The following OR56A3 variants were observed in gnomAD, a reference collection of about 807,000 sequenced individuals.
OR56A3 encodes the protein olfactory receptor family 56 subfamily A member 3, also known as olfactory receptor 56A3.
Under a neutral mutation model 17.5 loss-of-function variants are expected in OR56A3, and 23 were observed. That is an observed-to-expected ratio of 1.32 (90% CI 0.95 to 1.87). The LOEUF is 1.87. Among genes scored for constraint, OR56A3 ranks in the 40% most tolerant of loss-of-function variants. OR56A3 has a pLI of 0.00. For missense variants in OR56A3, 366 were observed against 380.1 expected (o/e 0.96, Z 0.31); for synonymous variants, 175 against 150.6 (o/e 1.16, Z -1.19).
chr11:5,967,534 G>T, the OR56A3 span: 19 of 1,493,894 alleles, frequency 1.3e-5, no homozygotes, highest in South Asian at 1.8e-4. Flanking sequence ...TCAAGGTCAG[G>T]TTGCATTCAT....
chr11:6,010,728 G>T, the OR56A3 span, among the ~76,000 whole-genome samples: 2 of 152,052 alleles, frequency 1.3e-5, no homozygotes, highest in African/African-American at 2.4e-5. Flanking sequence ...TTCTCCCCTT[G>T]GGATTCCCCA....
At chr11:5,977,787 G>A in the OR56A3 span, among the ~76,000 whole-genome samples, 1 of 152,086 alleles carries the variant, frequency 6.6e-6, no homozygotes, top group Admixed American at 6.5e-5. Flanking sequence ...ATATTTGCCA[G>A]GGCCTATATC....
At chr11:5,975,382 A>G in the OR56A3 span, among the ~76,000 whole-genome samples, 2 of 107,104 alleles carry the variant, frequency 1.9e-5, no homozygotes, top group African/African-American at 3.7e-5. Flanking sequence ...AACAGTCCCC[A>G]GTGTGTGATG....
chr11:5,961,216 C>G, the OR56A3 span, among the ~76,000 whole-genome samples: 1 of 151,824 alleles, frequency 6.6e-6, no homozygotes, highest in Non-Finnish European at 1.5e-5. Flanking sequence ...AAGTGAGGAG[C>G]CCCTCTTCCC....
chr11:5,983,519 A>G, the OR56A3 span, among the ~76,000 whole-genome samples: 2 of 151,832 alleles, frequency 1.3e-5, no homozygotes, highest in Non-Finnish European at 2.9e-5. Flanking sequence ...CTAAACCCCC[A>G]TGTGACATTA....
At chr11:5,966,893 A>AACACACACACACACACACACAC in the OR56A3 span, among the ~76,000 whole-genome samples, 1 of 147,132 alleles carries the variant, frequency 6.8e-6, no homozygotes, top group African/African-American at 2.5e-5. Context: ...CACTTAAAGC[A>AACACACACACACACACACACAC]ACACACACAC....
the OR56A3 span, among the ~76,000 whole-genome samples, chr11:5,974,959 C>G: frequency 6.6e-6 from 1 of 152,170 alleles, no homozygotes; most frequent in Admixed American, 6.6e-5. Flanking sequence ...TTTGTGTCCT[C>G]CACTTTTCTT....
At chr11:6,006,591 A>G in the OR56A3 span, among the ~76,000 whole-genome samples, 1 of 152,218 alleles carries the variant, frequency 6.6e-6, no homozygotes, top group African/African-American at 2.4e-5. Flanking sequence ...AGGTTCATAG[A>G]TGAATGTAGG....
chr11:5,955,561 G>C (rs566237922), downstream of OR56A3, among the ~76,000 whole-genome samples: 59 of 152,176 alleles, frequency 3.9e-4, no homozygotes, highest in South Asian at 0.011. Context: ...AGGGTCAAGC[G>C]GGCACCTTGG....
At chr11:5,942,719 A>G (rs1267075371) in intron 1 of OR56A3, among the ~76,000 whole-genome samples, 3 of 152,248 alleles carry the variant, frequency 2.0e-5, no homozygotes, top group African/African-American at 7.2e-5. Flanking sequence ...AAAATTGCTA[A>G]AATCTACTTC....
chr11:5,990,930 C>T, the OR56A3 span, among the ~76,000 whole-genome samples: 1 of 152,100 alleles, frequency 6.6e-6, no homozygotes, highest in African/African-American at 2.4e-5. Context: ...GAAGAGTTTT[C>T]TGGAAAATTC....
At chr11:6,001,760 A>C in the OR56A3 span, 1 of 312,908 alleles carries the variant, frequency 3.2e-6, no homozygotes, top group Non-Finnish European at 5.8e-6. Flanking sequence ...CTTCCATTCT[A>C]ATACAGCTCC....
chr11:5,980,427 A>G, the OR56A3 span, among the ~76,000 whole-genome samples: 5 of 151,280 alleles, frequency 3.3e-5, no homozygotes, highest in African/African-American at 1.2e-4. Context: ...CTTTATCATT[A>G]TGTAATGCCC....
chr11:5,984,207 A>C, the OR56A3 span, among the ~76,000 whole-genome samples: 1 of 152,234 alleles, frequency 6.6e-6, no homozygotes, highest in Non-Finnish European at 1.5e-5. Context: ...ATTTTTAAAC[A>C]AACAAAAACT....
chr11:6,018,644 T>C, the OR56A3 span, among the ~76,000 whole-genome samples: 2 of 151,748 alleles, frequency 1.3e-5, no homozygotes, highest in Middle Eastern at 3.4e-3. Context: ...GAAATTAGAG[T>C]AGCAAAAACA....
At chr11:5,981,270 G>A in the OR56A3 span, among the ~76,000 whole-genome samples, 2 of 152,178 alleles carry the variant, frequency 1.3e-5, no homozygotes, top group Non-Finnish European at 2.9e-5. Flanking sequence ...CAAGTTGCTT[G>A]CTCCCTCTCC....
the OR56A3 span, among the ~76,000 whole-genome samples, chr11:5,975,241 A>G: frequency 6.6e-6 from 1 of 152,178 alleles, no homozygotes; most frequent in African/African-American, 2.4e-5. Flanking sequence ...AGTTCTAGGG[A>G]ACATGTGCAC....
chr11:5,963,134 C>G, the OR56A3 span, among the ~76,000 whole-genome samples: 1 of 152,004 alleles, frequency 6.6e-6, no homozygotes, highest in African/African-American at 2.4e-5. Context: ...TAAAAAACCT[C>G]CATTTTGTTG....
the OR56A3 span, chr11:6,003,050 A>G: frequency 6.2e-7 from 1 of 1,614,014 alleles, no homozygotes; most frequent in Non-Finnish European, 8.5e-7. Flanking sequence ...GTAGAGAAGT[A>G]CAGAAACATA....
Sources: gnomAD v4.1 joint callset for allele counts (sites outside exome capture counted in the v4.1 genomes callset) on GRCh38, gnomAD v4.1.1 for gene constraint, MANE v1.5 for transcripts, NCBI Gene and HGNC (gene_info 2026-07-23, HGNC 2026-07-21) for gene names.